Variants in OPN4 observed in about 807,000 individuals in gnomAD.
The protein encoded by OPN4 is opsin 4.
A neutral mutation model predicts 49.5 loss-of-function variants in OPN4; 43 were observed. The observed-to-expected ratio is 0.87, with a 90% CI of 0.68 to 1.12. OPN4 has a LOEUF of 1.12. Ranked by LOEUF, OPN4 falls within the 50% of genes most tolerant of loss-of-function variation. The pLI is 0.00. For synonymous variants in OPN4, 263 were observed against 258.0 expected, an observed-to-expected ratio of 1.02 and a Z score of -0.19; for missense variants, 657 against 643.9, an observed-to-expected ratio of 1.02 and a Z score of -0.22.
chr10:86,657,106 A>G, intron 2 of OPN4: 2 of 755,508 alleles, frequency 2.6e-6, no homozygotes, highest in Non-Finnish European at 4.9e-6. Context: ...CTGCAGGGCC[A>G]CACAGCCCCC....
rs897875851 is a variant in OPN4 at position 86,666,358 on chromosome 10, C to G, written c.*607C>G. On this transcript the variant is annotated 3_prime_UTR_variant, in exon 10 of 10. Coordinates refer to ENST00000241891, the MANE Select transcript of OPN4 (RefSeq NM_033282.4). The stretch of plus-strand genomic sequence containing the variant: ...ACCAAGCACATGCGTGCACACTCTG[C>G]GTCTGTGATTCATTTCATGTAGTGG... 5.1e-6 allele frequency: 1 copy of G among 197,716 alleles called. No individual in the cohort carries two copies. Among genetic ancestry groups the G allele is most frequent in the Admixed American group, 5.3e-5 (1 of 18,736 alleles). 12.2% of individuals were successfully genotyped at this position (197,716 alleles called of 1,614,324 possible). A position where few individuals can be genotyped will look rare whatever the true frequency, so the allele number is the denominator to read the frequency against.
chr10:86,665,002 T>G (rs1844112375), intron 9 of OPN4, among the ~76,000 whole-genome samples: 1 of 151,876 alleles, frequency 6.6e-6, no homozygotes, highest in Admixed American at 6.6e-5. Flanking sequence ...CCCAGGAAGA[T>G]AGAGGTGAAG....
intron 9 of OPN4, chr10:86,664,029 T>C (rs1844084724): frequency 3.9e-6 from 2 of 510,158 alleles, no homozygotes; most frequent in Admixed American, 3.6e-5. Context: ...TGTGTGTGTG[T>C]GTGTGATCAT....
rs1173541750 is a variant in OPN4, at chr10:86,660,128, C to G, written c.965+69C>G. On this transcript the variant is annotated intron_variant, in intron 6 of 9. Transcript: ENST00000241891. ...GGGCAGGAGCAAGAAGCCTGGCCAG[C>G]CTCTCCTTCCCAGCCCAACCCCGGC... 2.6e-6 allele frequency: 4 copies of G among 1,546,624 alleles called. No individual in the cohort carries two copies. The African/African-American group carries it at 4.1e-5, about 16-fold the overall frequency.
At chr10:86,660,138 C>A in intron 6 of OPN4, 79 bp downstream of exon 6, 2 of 1,495,760 alleles carry the variant, frequency 1.3e-6, no homozygotes, top group Non-Finnish European at 1.8e-6. Flanking sequence ...CCTCTCCTTC[C>A]CAGCCCAACC....
At chr10:86,664,161 T>G (rs36050631) in intron 9 of OPN4, among the ~76,000 whole-genome samples, 138 of 152,316 alleles carry the variant, frequency 9.1e-4, no homozygotes, top group African/African-American at 3.2e-3. Flanking sequence ...TGTGTGGCCA[T>G]GTGCCCAGCA....
rs767336218 is a variant in OPN4, at chr10:86,658,637, G to T, written c.578G>T (p.Gly193Val). Reference sequence around the variant, plus strand: ...AGGCGTGCGGCATTTGTCCTGCTGGGCGTTTGGCTCTATGCCCTGGCCTGG... The same window carrying T: ...AGGCGTGCGGCATTTGTCCTGCTGGTCGTTTGGCTCTATGCCCTGGCCTGG... ...SKRRAAFVLL[G>V]VWLYALAWSL... Residue 193 changes from glycine (G) to valine (V), a missense_variant, in exon 4 of 10, where the codon GGC (glycine) becomes GTC (valine). Coordinates refer to ENST00000241891, the MANE Select transcript of OPN4 (RefSeq NM_033282.4). 1 of 1,614,034 alleles carries T rather than the reference G, an allele frequency of 6.2e-7. No homozygotes were observed. Among genetic ancestry groups the T allele is most frequent in the Non-Finnish European group, 8.5e-7 (1 of 1,180,044 alleles).
At position 86,658,699 on chromosome 10, in the gene OPN4, G is replaced by A. The variant is rs774491428; in HGVS notation, c.628+12G>A. ...CTTCTTCGGCTGGAGTAAGTGGGCT[G>A]CTGGAACTGGAAGGGGGGCAGATGG... is the stretch of plus-strand genomic sequence containing the variant. On this transcript the variant is annotated intron_variant, in intron 4 of 9. Transcript: ENST00000241891. 6.2e-7 allele frequency: 1 copy of A among 1,609,364 alleles called. No homozygotes were observed. The highest frequency in any genetic ancestry group is 8.5e-7 in the Non-Finnish European group (1 of 1,179,832).
At chr10:86,665,419 T>A (rs1844133228) in intron 9 of OPN4, among the ~76,000 whole-genome samples, 3 of 151,894 alleles carry the variant, frequency 2.0e-5, no homozygotes, top group Admixed American at 2.0e-4. Context: ...AGTCTCCACA[T>A]GTGGAAGAGA....
At chr10:86,654,948 G>A in intron 1 of OPN4, 21 bp downstream of exon 1, 2 of 1,611,352 alleles carry the variant, frequency 1.2e-6, no homozygotes, top group Non-Finnish European at 1.7e-6. Context: ...GCGAGCATGT[G>A]CATGCACAGA....
Position 86,659,367 on chromosome 10 carries a change from T to A in OPN4, c.699T>A (p.Arg233=). 1 of 1,614,040 alleles carries A rather than the reference T, an allele frequency of 6.2e-7. No homozygotes were observed. The highest frequency in any genetic ancestry group is 8.5e-7 in the Non-Finnish European group (1 of 1,180,028). Residue 233 remains arginine (R), a synonymous_variant, in exon 5 of 10, where the codon CGT becomes CGA. Coordinates refer to ENST00000241891, the MANE Select transcript of OPN4 (RefSeq NM_033282.4). The part of the protein sequence containing the change: ...WDYMSFTPAV[R]AYTMLLCCFV... ...ACATGAGCTTCACGCCGGCCGTGCG[T>A]GCCTACACCATGCTTCTCTGCTGCT...
intron 6 of OPN4, among the ~76,000 whole-genome samples, chr10:86,660,367 C>T (rs1843975740): frequency 6.6e-6 from 1 of 152,206 alleles, no homozygotes; most frequent in South Asian, 2.1e-4. Context: ...TCTGCATGGG[C>T]TGTGGTTACA....
At chr10:86,665,584 C>A (rs35264027) in intron 9 of OPN4, 129 bp from the exon 10 acceptor site, 11,878 of 739,306 alleles carry the variant, frequency 0.016, 148 homozygotes, top group African/African-American at 0.045. Context: ...ATCCCTGACC[C>A]AGGACACAAC....
At chr10:86,661,171 T>C (rs1330203651) in intron 6 of OPN4, 110 bp from the exon 7 acceptor site, 3 of 838,036 alleles carry the variant, frequency 3.6e-6, no homozygotes, top group African/African-American at 1.7e-5. Flanking sequence ...CTGACTTAGC[T>C]GTGCTGGTTT....
chr10:86,657,163 T>C, intron 2 of OPN4: 2 of 780,102 alleles, frequency 2.6e-6, no homozygotes, highest in Non-Finnish European at 4.8e-6. Flanking sequence ...TCATTTCTCC[T>C]CCTTGAGCTC....
At chr10:86,660,700 T>C (rs1843982094) in intron 6 of OPN4, among the ~76,000 whole-genome samples, 1 of 151,910 alleles carries the variant, frequency 6.6e-6, no homozygotes, top group Non-Finnish European at 1.5e-5. Flanking sequence ...TGGGGGGAAG[T>C]GGGATATCGC....
chr10:86,657,433 C>T (rs1055245570), intron 2 of OPN4, among the ~76,000 whole-genome samples: 10 of 152,184 alleles, frequency 6.6e-5, no homozygotes, highest in African/African-American at 2.4e-4. Flanking sequence ...CCATCAGCTC[C>T]TCTGCCCTTG....
In OPN4 at chr10:86,658,708, G is replaced by A. The variant is rs759483427; in HGVS notation, c.628+21G>A. 6 of 1,608,062 alleles carry A rather than the reference G, an allele frequency of 3.7e-6. No homozygotes were observed. The South Asian group carries it at 4.4e-5, about 12-fold the overall frequency. On this transcript the variant is annotated intron_variant, in intron 4 of 9. Transcript: ENST00000241891. ...CTGGAGTAAGTGGGCTGCTGGAACT[G>A]GAAGGGGGGCAGATGGGCTGGGAGG...
intron 2 of OPN4, among the ~76,000 whole-genome samples, chr10:86,656,773 C>A (rs1397450599): frequency 2.0e-5 from 3 of 151,970 alleles, no homozygotes; most frequent in Admixed American, 2.0e-4. Flanking sequence ...GTGAAACCCC[C>A]GTCTCTACTA....
Sources: allele counts gnomAD v4.1 joint callset (sites outside exome capture counted in the v4.1 genomes callset), GRCh38; gene constraint gnomAD v4.1.1; transcripts MANE v1.5; gene names NCBI Gene and HGNC (gene_info 2026-07-23, HGNC 2026-07-21).